ERG: variants seen among roughly 807,000 people sequenced by gnomAD.
The protein encoded by ERG is ETS transcription factor ERG.
ERG carries 9 observed loss-of-function variants against 55.3 expected under a neutral mutation model. The observed-to-expected ratio is 0.16, with a 90% CI of 0.10 to 0.28. ERG has a LOEUF of 0.28. Among genes scored for constraint, ERG ranks in the 10% least tolerant of loss-of-function variants. The pLI is 1.00. For synonymous variants in ERG, 223 were observed against 237.3 expected (o/e 0.94, Z 0.55); for missense variants, 434 against 631.6 (o/e 0.69, Z 3.35).
chr21:38,629,619 A>G (rs187238113), intron 1 of ERG, among the ~76,000 whole-genome samples: 50 of 152,328 alleles, frequency 3.3e-4, no homozygotes, highest in Admixed American at 3.0e-3. Flanking sequence ...GTTGTTGAGG[A>G]TATGGAGAAA....
intron 2 of ERG, among the ~76,000 whole-genome samples, chr21:38,560,488 T>C (rs1340841462): frequency 1.3e-5 from 2 of 152,164 alleles, no homozygotes; most frequent in South Asian, 2.1e-4. Flanking sequence ...GACCTCCCCG[T>C]TGGGTTGGTC....
chr21:38,528,432 A>ATTTTTT (rs1568885342), intron 2 of ERG, among the ~76,000 whole-genome samples: 9 of 34,594 alleles, frequency 2.6e-4, no homozygotes, highest in East Asian at 6.6e-4. Flanking sequence ...GCCATAGCAA[A>ATTTTTT]CTTTTTTTTT....
At chr21:38,601,919 T>A (rs2146912251) in intron 1 of ERG, among the ~76,000 whole-genome samples, 1 of 152,308 alleles carries the variant, frequency 6.6e-6, no homozygotes, top group Non-Finnish European at 1.5e-5. Context: ...TCTCCCTCTG[T>A]TGCCCAGGCT....
intron 8 of ERG, 36 bp from the exon 9 acceptor site, chr21:38,391,078 T>A (rs751742250): frequency 3.9e-6 from 6 of 1,558,190 alleles, no homozygotes; most frequent in East Asian, 2.2e-5. Flanking sequence ...ATCCTAGACA[T>A]AGTTGTAACA....
intron 3 of ERG, among the ~76,000 whole-genome samples, chr21:38,409,224 C>T (rs1381038525): frequency 2.0e-5 from 3 of 152,070 alleles, no homozygotes; most frequent in Non-Finnish European, 4.4e-5. Flanking sequence ...TGGCTCATAC[C>T]TGTAATCCCA....
intron 6 of ERG, among the ~76,000 whole-genome samples, chr21:38,398,829 C>G (rs1988352463): frequency 6.6e-6 from 1 of 152,184 alleles, no homozygotes; most frequent in Non-Finnish European, 1.5e-5. Context: ...TCTTTTAACA[C>G]AGTTTATAAT....
rs1987558971 is a variant in ERG at position 38,383,706 on chromosome 21, G to C, written c.1137C>G (p.Thr379=). 1.2e-6 allele frequency: 2 copies of C among 1,614,050 alleles called. No individual in the cohort carries two copies. Among genetic ancestry groups the C allele is most frequent in the Admixed American group, 1.7e-5 (1 of 60,000 alleles). ...LRYYYDKNIM[T]KVHGKRYAYK... The stretch of plus-strand genomic sequence containing the variant: ...AGGCGTAGCGCTTCCCATGGACCTT[G>C]GTCATGATGTTCTTGTCATAGTAGT... The change falls in exon 10 of 10, where the codon ACC becomes ACG. Residue 379 remains threonine (T), a synonymous_variant. Transcript: ENST00000288319. This position sits in a 1 kb window ranked among gnomAD's most constrained non-coding sequence, Gnocchi z 5.7.
intron 1 of ERG, among the ~76,000 whole-genome samples, chr21:38,475,514 C>A (rs2059178959): frequency 6.6e-6 from 1 of 152,204 alleles, no homozygotes; most frequent in Admixed American, 6.5e-5. Context: ...CTCTCAGACA[C>A]CCTCTGCCTG....
In ERG at chr21:38,383,736, G is replaced by A. The variant is rs1468564342; in HGVS notation, c.1107C>T (p.Leu369=). The change falls in exon 10 of 10, where the codon CTC becomes CTT. Residue 369 remains leucine, a synonymous_variant. Coordinates refer to ENST00000288319, the MANE Select transcript of ERG (RefSeq NM_182918.4). The surrounding 1 kb of genome is among the most constrained non-coding windows in gnomAD (Gnocchi z 5.7). ...TGATGTTCTTGTCATAGTAGTAACG[G>A]AGGGCGCGGCTGAGCTTATCGTAGT... ...NMNYDKLSRA[L]RYYYDKNIMT... 3.7e-6 allele frequency: 6 copies of A among 1,614,068 alleles called. No homozygotes were observed. The highest frequency in any genetic ancestry group is 4.2e-6 in the Non-Finnish European group (5 of 1,180,036).
rs114019223 is a variant in ERG at position 38,421,672 on chromosome 21, C to T, written c.388+1738G>A. On this transcript the variant is annotated intron_variant, in intron 3 of 9. Transcript: ENST00000288319. ...TGCATGCCCTTGGCTACTTTGCCAA[C>T]AAGGAGTAACTTGTACAGTGCAGCT... Among the ~76,000 whole-genome samples the T allele has an allele frequency of 3.5e-3, 537 of 152,228 alleles. 3 individuals carry two copies. Among genetic ancestry groups the T allele is most frequent in the African/African-American group, 0.012 (518 of 41,540 alleles).
rs867914064 is a variant in ERG at position 38,535,338 on chromosome 21, G to C, written c.-41+40324C>G. 2.2e-4 allele frequency among the ~76,000 whole-genome samples: 33 copies of C among 152,282 alleles called. No homozygotes were observed. In the Middle Eastern group the frequency reaches 0.01, roughly 47 times the overall value. ...TGTTTTGCAAGGTAAAGAAGTTCCA[G>C]AGATTTGCTGCACCAACAATGTGAA... On this transcript the variant is annotated intron_variant, in intron 2 of 8. Coordinates refer to the ERG transcript ENST00000398897.
chr21:38,502,899 G>A (rs994370699), upstream of ERG, among the ~76,000 whole-genome samples: 7 of 151,762 alleles, frequency 4.6e-5, no homozygotes, highest in Admixed American at 4.6e-4. Flanking sequence ...CTAATTTTTT[G>A]TATTTTTAGT....
chr21:38,370,944 AT>A, the ERG span, among the ~76,000 whole-genome samples: 1 of 151,798 alleles, frequency 6.6e-6, no homozygotes, highest in East Asian at 1.9e-4. Flanking sequence ...AAAAAAAAAA[AT>A]GTACTGCCGG....
intron 1 of ERG, among the ~76,000 whole-genome samples, chr21:38,578,653 C>G (rs62217465): frequency 0.069 from 10,553 of 152,138 alleles, 484 homozygotes; most frequent in Non-Finnish European, 0.1. Flanking sequence ...GTCACCCACC[C>G]CAATCACCCC....
intron 8 of ERG, among the ~76,000 whole-genome samples, 198 bp from the exon 9 acceptor site, chr21:38,391,240 C>G (rs1192799034): frequency 1.3e-5 from 2 of 152,138 alleles, no homozygotes; most frequent in African/African-American, 4.8e-5. Context: ...TAGGGGACTC[C>G]TAATTGGTGG....
In ERG at chr21:38,488,764, T is replaced by G. The variant is rs577362495; in HGVS notation, c.18+9599A>C. 2.8e-3 allele frequency among the ~76,000 whole-genome samples: 429 copies of G among 152,316 alleles called. 2 individuals are homozygous for G. Among genetic ancestry groups the G allele is most frequent in the African/African-American group, 9.7e-3 (405 of 41,568 alleles). ...ATTTTTCTACCAAATATAAAAACAT[T>G]CGAATTATGCATCATTTTCCATGAT... is the stretch of plus-strand genomic sequence containing the variant. On this transcript the variant is annotated intron_variant, in intron 1 of 9. Coordinates refer to ENST00000288319, the MANE Select transcript of ERG (RefSeq NM_182918.4).
chr21:38,603,803 A>C (rs1164287286), intron 1 of ERG, among the ~76,000 whole-genome samples: 1 of 152,086 alleles, frequency 6.6e-6, no homozygotes, highest in Non-Finnish European at 1.5e-5. Context: ...AACTGAAGTC[A>C]CATTCTTTTG....
intron 1 of ERG, among the ~76,000 whole-genome samples, chr21:38,636,219 A>G (rs1443628045): frequency 6.6e-6 from 1 of 152,226 alleles, no homozygotes; most frequent in Non-Finnish European, 1.5e-5. Flanking sequence ...AGGCCTCCCC[A>G]GCCATGTTGG....
chr21:38,610,179 A>T (rs552472478), intron 1 of ERG, among the ~76,000 whole-genome samples: 2 of 152,356 alleles, frequency 1.3e-5, no homozygotes, highest in East Asian at 3.9e-4. Flanking sequence ...ATGGCACTTA[A>T]TATGCACTTC....
Sources: gnomAD v4.1 joint callset for allele counts (sites outside exome capture counted in the v4.1 genomes callset) on GRCh38, gnomAD v4.1.1 for gene constraint, Gnocchi (gnomAD v3.1) non-coding constraint, MANE v1.5 for transcripts, NCBI Gene and HGNC (gene_info 2026-07-23, HGNC 2026-07-21) for gene names.